ADCY2: variants seen among roughly 807,000 people sequenced by gnomAD.
ADCY2 encodes adenylate cyclase 2.
In ADCY2, 31 loss-of-function variants were observed where a neutral mutation model predicts 125.2. That is an observed-to-expected ratio of 0.25 (90% CI 0.19 to 0.33). The LOEUF is 0.33. Among genes scored for constraint, ADCY2 ranks in the 10% least tolerant of loss-of-function variants. ADCY2 has a pLI of 1.00. For missense variants in ADCY2, 904 were observed against 1,418.2 expected (o/e 0.64, Z 5.82); for synonymous variants, 512 against 548.4 (o/e 0.93, Z 0.93).
chr5:7,501,855 C>G (rs966139722), intron 2 of ADCY2, among the ~76,000 whole-genome samples: 5 of 152,050 alleles, frequency 3.3e-5, no homozygotes, highest in Non-Finnish European at 5.9e-5. Flanking sequence ...TGCCCTCAGG[C>G]TAGGTCCACT....
chr5:7,755,412 A>G (rs1429703758), intron 15 of ADCY2, among the ~76,000 whole-genome samples: 6 of 151,402 alleles, frequency 4.0e-5, no homozygotes, highest in African/African-American at 1.5e-4. Context: ...GGAAGAAAAA[A>G]AAAAACATGG....
intron 16 of ADCY2, among the ~76,000 whole-genome samples, chr5:7,763,358 T>C (rs1376396200): frequency 1.3e-5 from 2 of 152,220 alleles, no homozygotes; most frequent in Admixed American, 1.3e-4. Context: ...CCCAAAGTGC[T>C]GGGATGACAG....
intron 3 of ADCY2, among the ~76,000 whole-genome samples, chr5:7,543,675 A>T (rs1735063068): frequency 6.6e-6 from 1 of 152,046 alleles, no homozygotes; most frequent in Admixed American, 6.6e-5. Flanking sequence ...TTCCAAAACC[A>T]AGGGAGAGAT....
chr5:7,757,956 CCCT>C (rs1028676208), intron 16 of ADCY2, among the ~76,000 whole-genome samples: 5 of 152,070 alleles, frequency 3.3e-5, no homozygotes, highest in Non-Finnish European at 7.4e-5. Flanking sequence ...TCATGGTGGC[CCCT>C]CAACAGGCTA....
chr5:7,705,481 T>C (rs1309677900), intron 7 of ADCY2, among the ~76,000 whole-genome samples: 1 of 152,174 alleles, frequency 6.6e-6, no homozygotes, highest in Admixed American at 6.5e-5. Context: ...CAATGCCAGC[T>C]GGCCACATGA....
At chr5:7,720,548 C>A (rs1741726193) in intron 12 of ADCY2, among the ~76,000 whole-genome samples, 1 of 151,552 alleles carries the variant, frequency 6.6e-6, no homozygotes, top group African/African-American at 2.4e-5. Flanking sequence ...CCTCCCCTCT[C>A]CCCCCACCCC....
intron 2 of ADCY2, among the ~76,000 whole-genome samples, chr5:7,519,982 C>T (rs531067584): frequency 2.2e-4 from 34 of 152,310 alleles, no homozygotes; most frequent in Admixed American, 1.4e-3. Flanking sequence ...AGCATGCATT[C>T]GCATCTTACT....
chr5:7,472,682 G>A (rs1742384444), intron 2 of ADCY2, among the ~76,000 whole-genome samples: 1 of 152,018 alleles, frequency 6.6e-6, no homozygotes, highest in African/African-American at 2.4e-5. Context: ...CTCTCCTTTA[G>A]CTAGGCTGGT....
intron 15 of ADCY2, among the ~76,000 whole-genome samples, chr5:7,744,195 G>C (rs1428565355): frequency 1.3e-5 from 2 of 152,154 alleles, no homozygotes; most frequent in East Asian, 3.9e-4. Flanking sequence ...CACAGGGAGG[G>C]GAACATCACA....
At chr5:7,740,935 A>T (rs935342506) in intron 14 of ADCY2, among the ~76,000 whole-genome samples, 1 of 152,074 alleles carries the variant, frequency 6.6e-6, no homozygotes, top group Non-Finnish European at 1.5e-5. Flanking sequence ...AATTTTTTAA[A>T]GTTGAATCGG....
At chr5:7,501,119 A>C (rs1430011849) in intron 2 of ADCY2, among the ~76,000 whole-genome samples, 1 of 133,766 alleles carries the variant, frequency 7.5e-6, no homozygotes, top group East Asian at 1.9e-4. Flanking sequence ...AATTTAAATA[A>C]AAGCTTTTTT....
intron 3 of ADCY2, chr5:7,522,697 T>A (rs1381987718): frequency 7.1e-6 from 1 of 140,944 alleles, no homozygotes; most frequent in African/African-American, 2.9e-5. Flanking sequence ...GGTCAGGAGA[T>A]CAAGACCATC....
At chr5:7,785,101 T>C (rs937365650) in intron 19 of ADCY2, among the ~76,000 whole-genome samples, 4 of 152,192 alleles carry the variant, frequency 2.6e-5, no homozygotes, top group African/African-American at 9.7e-5. Context: ...CCACAGTCTG[T>C]TTTAAGTTCT....
intron 3 of ADCY2, among the ~76,000 whole-genome samples, chr5:7,611,469 AT>A (rs971899271): frequency 1.3e-5 from 2 of 152,104 alleles, no homozygotes; most frequent in African/African-American, 4.8e-5. Context: ...TTTATGCTTG[AT>A]TTTTTAGTGG....
chr5:7,684,397 T>C (rs1579313393), intron 4 of ADCY2, among the ~76,000 whole-genome samples: 1 of 152,206 alleles, frequency 6.6e-6, no homozygotes, highest in Non-Finnish European at 1.5e-5. Flanking sequence ...TTTTCCACCT[T>C]TTGAGTGATT....
At chr5:7,490,919 A>G (rs1188185053) in intron 2 of ADCY2, among the ~76,000 whole-genome samples, 1 of 152,242 alleles carries the variant, frequency 6.6e-6, no homozygotes, top group Non-Finnish European at 1.5e-5. Flanking sequence ...AGTAAGAAAT[A>G]GAAACTCTGA....
At chr5:7,480,835 T>G (rs796287588) in intron 2 of ADCY2, among the ~76,000 whole-genome samples, 31 of 152,334 alleles carry the variant, frequency 2.0e-4, no homozygotes, top group African/African-American at 7.5e-4. Context: ...TGTGGCTGAA[T>G]AGTACTCCAT....
intron 4 of ADCY2, among the ~76,000 whole-genome samples, chr5:7,659,639 A>G (rs17829506): frequency 0.026 from 3,954 of 152,350 alleles, 77 homozygotes; most frequent in Non-Finnish European, 0.037. Context: ...TTGAGTTACT[A>G]AAGGATAAGT....
At chr5:7,556,496 A>C (rs73739844) in intron 3 of ADCY2, among the ~76,000 whole-genome samples, 1,603 of 152,306 alleles carry the variant, frequency 0.011, 28 homozygotes, top group African/African-American at 0.036. Flanking sequence ...CAGTATGTCA[A>C]GCTTTAATTC....
Sources: gnomAD v4.1 joint callset for allele counts (sites outside exome capture counted in the v4.1 genomes callset) on GRCh38, gnomAD v4.1.1 for gene constraint, MANE v1.5 for transcripts, NCBI Gene and HGNC (gene_info 2026-07-23, HGNC 2026-07-21) for gene names.